The following SEPTIN8 variants were observed in gnomAD, a reference collection of about 807,000 sequenced individuals.
SEPTIN8 encodes the protein septin 8, also known as septin-8.
A neutral mutation model predicts 53.1 loss-of-function variants in SEPTIN8; 22 were observed. The observed-to-expected ratio is 0.41, with a 90% CI of 0.30 to 0.59. SEPTIN8 has a LOEUF of 0.59. SEPTIN8 is among the 20% of genes least tolerant of loss of function. The pLI is 0.24. For missense variants in SEPTIN8, 536 were observed against 638.7 expected (o/e 0.84, Z 1.73); for synonymous variants, 228 against 248.4 (o/e 0.92, Z 0.77).
At chr5:132,759,722 T>C (rs971615434) in intron 9 of SEPTIN8, among the ~76,000 whole-genome samples, 8 of 152,072 alleles carry the variant, frequency 5.3e-5, no homozygotes, top group Non-Finnish European at 1.2e-4. Flanking sequence ...ACCTGCTTAG[T>C]TCCTAGGTTG....
rs145732475 is a variant in SEPTIN8, at chr5:132,760,581, T to C, written c.1286+221A>G. On this transcript the variant is annotated intron_variant, in intron 9 of 9. Coordinates refer to ENST00000378719, the MANE Select transcript of SEPTIN8 (RefSeq NM_001098811.2). The surrounding 1 kb of genome is among the most constrained non-coding windows in gnomAD (Gnocchi z 5.2). ...GATTGCCTGTGCAAGTGAGACTGCA[T>C]GAGTATCAGAGCAATCCAGACGGCG... 6.6e-6 allele frequency among the ~76,000 whole-genome samples: 1 copy of C among 151,744 alleles called. No individual in the cohort carries two copies. Among genetic ancestry groups the C allele is most frequent in the East Asian group, 1.9e-4 (1 of 5,140 alleles).
At position 132,777,050 on chromosome 5, in the gene SEPTIN8, G is replaced by A; in HGVS notation, c.30+58C>T. ...CTTCGCGCCCCCCGCCAGCTGCAGG[G>A]CGGCCCCTCCTGCGCCCCGCGCCTC... On this transcript the variant is annotated intron_variant, in intron 1 of 9. Transcript: ENST00000378719. This position sits in a 1 kb window ranked among gnomAD's most constrained non-coding sequence, Gnocchi z 4.1. 1 of 1,058,464 alleles carries A rather than the reference G, an allele frequency of 9.4e-7. No homozygotes were observed. Among genetic ancestry groups the A allele is most frequent in the East Asian group, 4.4e-5 (1 of 22,850 alleles). The allele number at this position is 1,058,464 out of a possible 1,614,324, so 65.6% of individuals were successfully genotyped here.
intron 5 of SEPTIN8, 42 bp downstream of exon 5, chr5:132,762,441 GC>G (rs1554113625): frequency 6.3e-7 from 1 of 1,594,226 alleles, no homozygotes; most frequent in Non-Finnish European, 8.6e-7. Flanking sequence ...CCGGCTCCTC[GC>G]CCTCTGGCCC....
chr5:132,777,921 G>T, upstream of SEPTIN8: 7 of 985,508 alleles, frequency 7.1e-6, no homozygotes, highest in Non-Finnish European at 8.4e-6. This position sits in a 1 kb window ranked among gnomAD's most constrained non-coding sequence, Gnocchi z 4.1. Flanking sequence ...GAGCTCGACG[G>T]TCAAGGCGTC....
chr5:132,765,653 A>C, intron 1 of SEPTIN8, 124 bp from the exon 2 acceptor site: 1 of 1,188,316 alleles, frequency 8.4e-7, no homozygotes, highest in Non-Finnish European at 1.2e-6. Context: ...ATTCTCAACA[A>C]ATCTCAGACA....
intron 9 of SEPTIN8, chr5:132,757,622 C>T: frequency 1.0e-6 from 1 of 985,410 alleles, no homozygotes; most frequent in Non-Finnish European, 1.2e-6. Flanking sequence ...CAGTGCCCAG[C>T]ACGGTGCTTC....
At chr5:132,774,982 G>T (rs1170690706) in intron 1 of SEPTIN8, among the ~76,000 whole-genome samples, 1 of 152,136 alleles carries the variant, frequency 6.6e-6, no homozygotes, top group East Asian at 1.9e-4. Context: ...TCCACCCAAG[G>T]TCTCCACCCA....
chr5:132,758,556 T>C, intron 9 of SEPTIN8: 1 of 1,613,132 alleles, frequency 6.2e-7, no homozygotes, highest in Non-Finnish European at 8.5e-7. Flanking sequence ...AGCCACTGGC[T>C]CTGAAAAAAA....
chr5:132,771,186 G>A (rs1757285260), intron 1 of SEPTIN8, among the ~76,000 whole-genome samples: 1 of 152,164 alleles, frequency 6.6e-6, no homozygotes, highest in South Asian at 2.1e-4. Flanking sequence ...CATGAAACAA[G>A]GTGGGATCTG....
intron 1 of SEPTIN8, among the ~76,000 whole-genome samples, chr5:132,771,359 G>T (rs402959): frequency 0.36 from 54,364 of 152,132 alleles, 16,290 homozygotes; most frequent in African/African-American, 0.79. Context: ...GTTGCAGTGG[G>T]AGTAGAAAGG....
At position 132,764,268 on chromosome 5, in the gene SEPTIN8, A is replaced by G. The variant is rs766860977; in HGVS notation, c.303T>C (p.Ile101=). ...QESNVQLKLT[I]VDAVGFGDQI... ...GATCCCCAAAGCCCACGGCATCCAC[A>G]ATGGTCAGCTTGAGCTGCACGTTGC... is the stretch of plus-strand genomic sequence containing the variant. Residue 101 remains isoleucine, a synonymous_variant, in exon 3 of 10, where the codon ATT becomes ATC. Transcript: ENST00000378719. 1 of 1,614,052 alleles carries G rather than the reference A, an allele frequency of 6.2e-7. No homozygotes were observed. Among genetic ancestry groups the G allele is most frequent in the East Asian group, 2.2e-5 (1 of 44,870 alleles).
At chr5:132,765,121 C>G (rs1478186956) in intron 2 of SEPTIN8, among the ~76,000 whole-genome samples, 1 of 151,968 alleles carries the variant, frequency 6.6e-6, no homozygotes, top group African/African-American at 2.4e-5. Flanking sequence ...TTTAAATGAA[C>G]AAACAAATGA....
At position 132,760,803 on chromosome 5, in the gene SEPTIN8, T is replaced by A. The variant is rs1755837631; in HGVS notation, c.1285A>T (p.Asn429Tyr). The change falls in exon 9 of 10, where the codon AAC becomes TAC. Residue 429 changes from asparagine to tyrosine, a missense_variant and splice_region_variant. Physicochemically the swap from Asn to Tyr is moderately radical, Grantham distance 143. Around this residue, in one of 3 missense-constraint regions of SEPTIN8, gnomAD observed 133 missense variants for 157.4 expected, o/e 0.84. Coordinates refer to ENST00000378719, the MANE Select transcript of SEPTIN8 (RefSeq NM_001098811.2). The surrounding 1 kb of genome is among the most constrained non-coding windows in gnomAD (Gnocchi z 5.2). ...QPLRKDKDKK[N>Y]RSDIGAHQPG... ...GCGCAGGCGCAGCCTGCCACCTACT[T>A]CTTCTTGTCCTTGTCCTTCCTCAGG... 6.2e-6 allele frequency: 10 copies of A among 1,613,178 alleles called. No homozygotes were observed. The highest frequency in any genetic ancestry group is 8.5e-6 in the Non-Finnish European group (10 of 1,179,798).
chr5:132,762,789 C>T (rs540634671), intron 4 of SEPTIN8, 144 bp from the exon 5 acceptor site: 66 of 870,120 alleles, frequency 7.6e-5, no homozygotes, highest in Middle Eastern at 3.5e-4. Context: ...GCCACTCCCA[C>T]GGGCAGCCAT....
In SEPTIN8 at chr5:132,751,731, A is replaced by T. The variant is rs1450123746; in HGVS notation, c.*285T>A. On this transcript the variant is annotated 3_prime_UTR_variant, in exon 10 of 10. Transcript: ENST00000378719. ...GTCATCTAGGTACTTTCCGCTCATA[A>T]CGATGATGTCACAAAGCAGACTTTT... 2 of 587,008 alleles carry T rather than the reference A, an allele frequency of 3.4e-6. No individual in the cohort carries two copies. The highest frequency in any genetic ancestry group is 6.0e-6 in the Non-Finnish European group (2 of 333,908). 36.4% of individuals were successfully genotyped at this position (587,008 alleles called of 1,614,324 possible).
rs1581199286 is a variant in SEPTIN8 at position 132,773,726 on chromosome 5, G to A, written c.30+3382C>T. Among the ~76,000 whole-genome samples the A allele has an allele frequency of 1.3e-5, 2 of 152,184 alleles. No individual in the cohort carries two copies. Among genetic ancestry groups the A allele is most frequent in the Admixed American group, 1.3e-4 (2 of 15,282 alleles). ...CAGTCTCCCTCCTCCTTGGCCCTGA[G>A]CTTGGTCTCCTCCTTGCCATCCTCT... is the stretch of plus-strand genomic sequence containing the variant. On this transcript the variant is annotated intron_variant, in intron 1 of 9. Transcript: ENST00000378719. The surrounding 1 kb of genome is among the most constrained non-coding windows in gnomAD (Gnocchi z 4.2).
At chr5:132,757,348 G>A in intron 9 of SEPTIN8, 1 of 985,328 alleles carries the variant, frequency 1.0e-6, no homozygotes, top group Non-Finnish European at 1.2e-6. Context: ...GTGCCTCGGT[G>A]GACACACACA....
chr5:132,764,410 C>T lies in SEPTIN8; in HGVS notation c.161G>A (p.Gly54Asp). 6.2e-7 allele frequency: 1 copy of T among 1,612,706 alleles called. No homozygotes were observed. Among genetic ancestry groups the T allele is most frequent in the South Asian group, 1.1e-5 (1 of 90,788 alleles). The change falls in exon 3 of 10, where the codon GGC (glycine) becomes GAC (aspartate). Residue 54 changes from glycine to aspartate, a missense_variant. Physicochemically the swap from Gly to Asp is moderately conservative, Grantham distance 94. Transcript: ENST00000378719. ...GTTCATCAGTGTGGATTTGCCAATG[C>T]CGGTCTCCCCTGGGCAGTGAGGACA... ...SFNILCVGET[G>D]IGKSTLMNTL...
At position 132,762,504 on chromosome 5, in the gene SEPTIN8, C is replaced by G; in HGVS notation, c.676G>C (p.Glu226Gln). The G allele has an allele frequency of 2.5e-6, 4 of 1,614,268 alleles. No homozygotes were observed. The highest frequency in any genetic ancestry group is 3.4e-6 in the Non-Finnish European group (4 of 1,180,052). Reference sequence around the variant, plus strand: ...CTCACATTCATGACTGCGTTAATCTCTGCAACAGCCTCATCATCCGTGGGG... The same window carrying G: ...CTCACATTCATGACTGCGTTAATCTGTGCAACAGCCTCATCATCCGTGGGG... Reference protein sequence around the residue: ...QFPTDDEAVAEINAVMNAHLP... With the variant: ...QFPTDDEAVAQINAVMNAHLP... Residue 226 changes from glutamate (E) to glutamine (Q), a missense_variant, in exon 5 of 10, where the codon GAG (glutamate) becomes CAG (glutamine). By Grantham distance (29) the Glu-to-Gln change is conservative. Transcript: ENST00000378719.
Sources: gnomAD v4.1 joint callset for allele counts (sites outside exome capture counted in the v4.1 genomes callset) on GRCh38, gnomAD v4.1.1 for gene constraint, gnomAD v4.1.1 regional missense constraint, Gnocchi (gnomAD v3.1) non-coding constraint, MANE v1.5 for transcripts, NCBI Gene and HGNC (gene_info 2026-07-23, HGNC 2026-07-21) for gene names.